The following NECAB1 variants were observed in gnomAD, a reference collection of about 807,000 sequenced individuals.
NECAB1 encodes the protein N-terminal EF-hand calcium binding protein 1, also known as N-terminal EF-hand calcium-binding protein 1.
Under a neutral mutation model 57.5 loss-of-function variants are expected in NECAB1, and 29 were observed. The observed-to-expected ratio is 0.50, with a 90% CI of 0.38 to 0.69. NECAB1 has a LOEUF of 0.69. Among genes scored for constraint, NECAB1 ranks in the 30% least tolerant of loss-of-function variants. The pLI, the probability that NECAB1 is intolerant of heterozygous loss-of-function variation, is 0.00. For synonymous variants in NECAB1, 142 were observed against 147.7 expected, an observed-to-expected ratio of 0.96 and a Z score of 0.28; for missense variants, 372 against 413.8, an observed-to-expected ratio of 0.90 and a Z score of 0.88.
intron 6 of NECAB1, among the ~76,000 whole-genome samples, chr8:90,924,656 T>C (rs929496469): frequency 1.3e-5 from 2 of 152,174 alleles, no homozygotes; most frequent in African/African-American, 4.8e-5. Context: ...GTTTGCCTCA[T>C]AGACCAAGAT....
intron 3 of NECAB1, among the ~76,000 whole-genome samples, chr8:90,836,393 C>T (rs1216676485): frequency 1.3e-5 from 2 of 152,022 alleles, no homozygotes; most frequent in South Asian, 2.1e-4. Context: ...ATCAGCTGAA[C>T]GTTATTGTTC....
rs1411876365 is a variant in NECAB1, at chr8:90,791,925, C to T, written c.39C>T (p.Asn13=). The change falls in exon 1 of 13, where the codon AAC becomes AAT. Residue 13 remains asparagine (N), a synonymous_variant. Transcript: ENST00000417640. ...DSQETSPSSN[N]SSEELSSALH... is the part of the protein sequence containing the mutation. ...AGGAGACATCGCCGTCCTCCAACAA[C>T]TCCTCGGAGGAGCTCAGCTCTGCTC... The T allele has an allele frequency of 1.9e-6, 3 of 1,552,558 alleles. No homozygotes were observed. Among genetic ancestry groups the T allele is most frequent in the Non-Finnish European group, 1.7e-6 (2 of 1,147,534 alleles).
In NECAB1 at chr8:90,955,505, A is replaced by C. The variant is rs1285655546; in HGVS notation, c.1049A>C (p.Asn350Thr). Residue 350 changes from asparagine (N) to threonine (T), a missense_variant, in exon 13 of 13, where the codon AAC becomes ACC. By Grantham distance (65) the Asn-to-Thr change is moderately conservative (BLOSUM62 0). Coordinates refer to ENST00000417640, the MANE Select transcript of NECAB1 (RefSeq NM_022351.5). The stretch of plus-strand genomic sequence containing the variant: ...TTTTCAGCTTCGTGGTGGATCCTGA[A>C]CAACTAGATGTTCCTAGACATTTTC... ...MLVPASWWIL[N>T]N is the part of the protein sequence containing the mutation. 3 of 1,556,236 alleles carry C rather than the reference A, an allele frequency of 1.9e-6. No homozygotes were observed. The highest frequency in any genetic ancestry group is 3.9e-5 in the Admixed American group (2 of 51,688).
chr8:90,907,145 TGTGTGTGA>T lies in NECAB1; in HGVS notation c.358-10345_358-10338del, dbSNP rs1247329323. On this transcript the variant is annotated intron_variant, in intron 5 of 12. Transcript: ENST00000417640. ...TTTTGTGTGTGTGTGTGTGTGTGTG[TGTGTGTGA>T]GAGAGAGAGAGAGAGAGAGAGAGAG... Among the ~76,000 whole-genome samples, 17 of 104,228 alleles carry T rather than the reference TGTGTGTGA, an allele frequency of 1.6e-4. No individual in the cohort carries two copies. In the East Asian group the frequency reaches 2.0e-3, roughly 12 times the overall value. The allele number at this position is 104,228 out of a possible 152,430, so 68.4% of individuals were successfully genotyped here. A position where few individuals can be genotyped will look rare whatever the true frequency, so the allele number is the denominator to read the frequency against.
rs1810652785 is a variant in NECAB1 at position 90,940,858 on chromosome 8, C to T, written c.820C>T (p.His274Tyr). ...DLEEFQLALK[H>Y]YVESASSQSG... The stretch of plus-strand genomic sequence containing the variant: ...GGAAGAATTCCAGCTCGCTCTGAAA[C>T]ACTACGTGGAGAGTGCTTCCTCCCA... The change falls in exon 10 of 13, where the codon CAC becomes TAC. Residue 274 changes from histidine to tyrosine, a missense_variant. Physicochemically the swap from His to Tyr is moderately conservative, Grantham distance 83. Coordinates refer to ENST00000417640, the MANE Select transcript of NECAB1 (RefSeq NM_022351.5). 3.2e-6 allele frequency: 5 copies of T among 1,562,452 alleles called. No individual in the cohort carries two copies. The highest frequency in any genetic ancestry group is 4.3e-6 in the Non-Finnish European group (5 of 1,152,998).
intron 12 of NECAB1, among the ~76,000 whole-genome samples, chr8:90,954,891 T>A (rs968038234): frequency 6.8e-6 from 1 of 147,424 alleles, no homozygotes. Flanking sequence ...ATTATGTGTA[T>A]GCATATGCAT....
intron 4 of NECAB1, among the ~76,000 whole-genome samples, chr8:90,880,016 CACTA>C (rs1481430477): frequency 6.6e-6 from 1 of 152,156 alleles, no homozygotes; most frequent in Non-Finnish European, 1.5e-5. Context: ...GAAGTCTGTA[CACTA>C]ACTAATATAT....
At chr8:90,939,803 A>G (rs545616554) in intron 9 of NECAB1, among the ~76,000 whole-genome samples, 1 of 152,366 alleles carries the variant, frequency 6.6e-6, no homozygotes, top group Non-Finnish European at 1.5e-5. Flanking sequence ...TATTCAACAA[A>G]TAGTAGCTAT....
At chr8:90,813,941 C>T (rs1006125091) in intron 2 of NECAB1, among the ~76,000 whole-genome samples, 3 of 152,174 alleles carry the variant, frequency 2.0e-5, no homozygotes, top group African/African-American at 7.2e-5. Context: ...TTTGTTGTAA[C>T]TGATAAATCT....
In NECAB1 at chr8:90,949,146, T is replaced by TTGTGTGTG. The variant is rs59311652; in HGVS notation, c.861-617_861-610dup. ...ACTTCATCCAGAGACAACAGGCACTTTGTGTGTGTGTGTGTGTGTGTGTGT... is the reference window on the plus strand; with the variant it reads ...ACTTCATCCAGAGACAACAGGCACTTTGTGTGTGTGTGTGTGTGTGTGTGTGTGTGTGT... On this transcript the variant is annotated intron_variant, in intron 10 of 12. Coordinates refer to ENST00000417640, the MANE Select transcript of NECAB1 (RefSeq NM_022351.5). Among the ~76,000 whole-genome samples the TTGTGTGTG allele has an allele frequency of 1.5e-3, 201 of 129,964 alleles. 1 individual carries two copies. The highest frequency in any genetic ancestry group is 6.2e-3 in the South Asian group (22 of 3,568). 85.3% of individuals were successfully genotyped at this position (129,964 alleles called of 152,430 possible).
At chr8:90,891,022 T>C (rs1809151177) in intron 5 of NECAB1, among the ~76,000 whole-genome samples, 1 of 151,616 alleles carries the variant, frequency 6.6e-6, no homozygotes, top group Non-Finnish European at 1.5e-5. Context: ...CTTCAAAGAG[T>C]GGAAGGTTTA....
rs56284988 is a variant in NECAB1 at position 90,795,418 on chromosome 8, G to C, written c.99+3433G>C. Among the ~76,000 whole-genome samples, 87 of 152,132 alleles carry C rather than the reference G, an allele frequency of 5.7e-4. 1 individual carries two copies. Among genetic ancestry groups the C allele is most frequent in the African/African-American group, 2.0e-3 (85 of 41,474 alleles). ...AGGGAAAGAGGCTGGAAAGTTGTGA[G>C]GGGGATGAATGACTTTACTGCTTGT... On this transcript the variant is annotated intron_variant, in intron 1 of 12. Transcript: ENST00000417640.
intron 10 of NECAB1, among the ~76,000 whole-genome samples, chr8:90,944,802 G>T (rs1236864731): frequency 6.6e-6 from 1 of 152,090 alleles, no homozygotes; most frequent in Non-Finnish European, 1.5e-5. Context: ...CCATGTCAAG[G>T]GCCTAAGGAA....
chr8:90,808,802 T>G (rs1296258044), intron 2 of NECAB1, among the ~76,000 whole-genome samples: 2 of 152,074 alleles, frequency 1.3e-5, no homozygotes, highest in East Asian at 3.9e-4. Context: ...CGTGCCACCA[T>G]GCCCGGCTAA....
chr8:90,809,989 T>C (rs772389501), intron 2 of NECAB1, among the ~76,000 whole-genome samples: 13 of 152,234 alleles, frequency 8.5e-5, no homozygotes, highest in Non-Finnish European at 1.9e-4. Flanking sequence ...ATAACAATAT[T>C]GCAAGGAAGA....
intron 5 of NECAB1, among the ~76,000 whole-genome samples, chr8:90,899,104 T>C (rs777858096): frequency 1.4e-4 from 21 of 152,360 alleles, no homozygotes; most frequent in Admixed American, 2.0e-4. Flanking sequence ...GTTTTGGCTA[T>C]GCCAGTGGGA....
intron 3 of NECAB1, among the ~76,000 whole-genome samples, chr8:90,828,931 G>A (rs1812264471): frequency 6.6e-6 from 1 of 152,048 alleles, no homozygotes; most frequent in Admixed American, 6.6e-5. Context: ...TAACCTGAAG[G>A]ATATCATGTC....
At chr8:90,899,921 T>A (rs1411118114) in intron 5 of NECAB1, among the ~76,000 whole-genome samples, 2 of 152,148 alleles carry the variant, frequency 1.3e-5, no homozygotes, top group East Asian at 3.8e-4. Flanking sequence ...GCACAGTATG[T>A]AGGAAGAAAG....
intron 3 of NECAB1, among the ~76,000 whole-genome samples, chr8:90,847,156 G>A (rs1945260334): frequency 6.6e-6 from 1 of 152,174 alleles, no homozygotes; most frequent in African/African-American, 2.4e-5. Context: ...ATAAAATGGG[G>A]GTACAGGCAT....
Sources: allele counts gnomAD v4.1 joint callset (sites outside exome capture counted in the v4.1 genomes callset), GRCh38; gene constraint gnomAD v4.1.1; transcripts MANE v1.5; gene names NCBI Gene and HGNC (gene_info 2026-07-23, HGNC 2026-07-21).